Variants in NLGN1 observed in about 807,000 individuals in gnomAD.
The protein encoded by NLGN1 is neuroligin-1.
A neutral mutation model predicts 65.5 loss-of-function variants in NLGN1; 12 were observed. The observed-to-expected ratio is 0.18, with a 90% CI of 0.12 to 0.30. The LOEUF (loss-of-function observed/expected upper bound fraction) is 0.30, where lower values mean the gene tolerates loss of function less well. Among genes scored for constraint, NLGN1 ranks in the 10% least tolerant of loss-of-function variants. NLGN1 has a pLI of 1.00. For synonymous variants in NLGN1, 350 were observed against 359.5 expected (o/e 0.97, Z 0.30); for missense variants, 750 against 1,007.1 (o/e 0.74, Z 3.46).
intron 4 of NLGN1, among the ~76,000 whole-genome samples, chr3:174,140,164 C>A (rs1722026978): frequency 6.6e-6 from 1 of 151,930 alleles, no homozygotes; most frequent in South Asian, 2.1e-4. Context: ...ATTAGACAAG[C>A]AAAATTTTAT....
intron 4 of NLGN1, among the ~76,000 whole-genome samples, chr3:173,832,353 TTATCACTG>T (rs1722765210): frequency 6.6e-6 from 1 of 152,234 alleles, no homozygotes; most frequent in African/African-American, 2.4e-5. Flanking sequence ...TACTATTCTA[TTATCACTG>T]GAAAACTTTC....
chr3:173,852,104 C>T (rs1340913888), intron 4 of NLGN1, among the ~76,000 whole-genome samples: 1 of 151,582 alleles, frequency 6.6e-6, no homozygotes, highest in Non-Finnish European at 1.5e-5. Context: ...CGCCTGTAAT[C>T]CCAGCACTTT....
At chr3:173,468,572 A>G (rs891461223) in intron 2 of NLGN1, among the ~76,000 whole-genome samples, 1 of 152,090 alleles carries the variant, frequency 6.6e-6, no homozygotes. Flanking sequence ...TATTACCTAA[A>G]AAAGAAAAAA....
intron 4 of NLGN1, among the ~76,000 whole-genome samples, chr3:174,083,630 A>G (rs1445261480): frequency 1.3e-5 from 2 of 152,204 alleles, no homozygotes; most frequent in African/African-American, 4.8e-5. Flanking sequence ...GTATTGGAAT[A>G]CTTTTAAAAA....
chr3:173,469,900 C>A (rs1725038821), intron 2 of NLGN1, among the ~76,000 whole-genome samples: 1 of 151,682 alleles, frequency 6.6e-6, no homozygotes, highest in Non-Finnish European at 1.5e-5. Flanking sequence ...TCCAGTTCAT[C>A]TGTTGTAAAC....
At chr3:173,453,560 A>G (rs554342176) in intron 2 of NLGN1, among the ~76,000 whole-genome samples, 5 of 152,052 alleles carry the variant, frequency 3.3e-5, no homozygotes, top group Non-Finnish European at 7.4e-5. Flanking sequence ...TGTATATTCT[A>G]TATCATTTGT....
rs555521893 is a variant in NLGN1 at position 174,068,184 on chromosome 3, G to A, written c.647-207131G>A. ...AGAGCTCCAAGATCAGCATACAGCT[G>A]GCAGCCCGCTCTGCCTAGGTACTCT... is the stretch of plus-strand genomic sequence containing the variant. On this transcript the variant is annotated intron_variant, in intron 4 of 6. Transcript: ENST00000457714. Among the ~76,000 whole-genome samples the A allele has an allele frequency of 9.2e-5, 14 of 152,016 alleles. No individual in the cohort carries two copies. The East Asian group carries it at 2.0e-3, about 21-fold the overall frequency.
In NLGN1 at chr3:173,906,878, CAAAAAAA is replaced by C. The variant is rs1224471514; in HGVS notation, c.646+99059_646+99065del. Among the ~76,000 whole-genome samples, 746 of 88,274 alleles carry C rather than the reference CAAAAAAA, an allele frequency of 8.5e-3. 4 individuals carry two copies. Among genetic ancestry groups the C allele is most frequent in the Admixed American group, 0.013 (100 of 7,782 alleles). 57.9% of individuals were successfully genotyped at this position (88,274 alleles called of 152,430 possible). A position where few individuals can be genotyped will look rare whatever the true frequency, so the allele number is the denominator to read the frequency against. On this transcript the variant is annotated intron_variant, in intron 4 of 6. Transcript: ENST00000457714. ...TCATCTTTAAACAAACAAACAAAAA[CAAAAAAA>C]AAAAAAAAAAAAGAAAGGGAAGTCC...
intron 2 of NLGN1, among the ~76,000 whole-genome samples, chr3:173,487,738 T>C (rs1728401818): frequency 6.6e-6 from 1 of 152,072 alleles, no homozygotes; most frequent in Non-Finnish European, 1.5e-5. Context: ...ATAAAGTGTA[T>C]TTTATGTGAA....
intron 4 of NLGN1, among the ~76,000 whole-genome samples, chr3:174,005,813 A>G (rs1724248977): frequency 6.6e-6 from 1 of 152,114 alleles, no homozygotes; most frequent in Admixed American, 6.6e-5. Context: ...GCTATGTAAC[A>G]GTAGATAAAA....
At chr3:173,773,316 T>G (rs1180665780) in intron 3 of NLGN1, among the ~76,000 whole-genome samples, 1 of 152,068 alleles carries the variant, frequency 6.6e-6, no homozygotes, top group East Asian at 1.9e-4. Flanking sequence ...TACAAAGAAA[T>G]CCTCCCCAAA....
At chr3:173,857,260 A>G (rs1249493637) in intron 4 of NLGN1, among the ~76,000 whole-genome samples, 2 of 151,988 alleles carry the variant, frequency 1.3e-5, no homozygotes. Flanking sequence ...TAGAATTTGA[A>G]TCCACTGATA....
At chr3:173,798,715 T>G (rs1714724185) in intron 3 of NLGN1, among the ~76,000 whole-genome samples, 1 of 152,084 alleles carries the variant, frequency 6.6e-6, no homozygotes, top group South Asian at 2.1e-4. Flanking sequence ...TGTTTATAGT[T>G]TCCCTGTCTG....
intron 2 of NLGN1, among the ~76,000 whole-genome samples, chr3:173,594,706 G>A (rs140014182): frequency 5.1e-4 from 77 of 152,340 alleles, no homozygotes; most frequent in African/African-American, 1.7e-3. Context: ...GGTTCTCCAT[G>A]AGTGCCCCGC....
chr3:174,029,816 G>A (rs940973390), intron 4 of NLGN1, among the ~76,000 whole-genome samples: 1 of 152,162 alleles, frequency 6.6e-6, no homozygotes, highest in African/African-American at 2.4e-5. Flanking sequence ...TTTTATAAAT[G>A]GGAGTTCCCC....
chr3:173,552,132 GT>G (rs1321443144), intron 2 of NLGN1, among the ~76,000 whole-genome samples: 1 of 152,142 alleles, frequency 6.6e-6, no homozygotes, highest in Non-Finnish European at 1.5e-5. Context: ...AATTTCTGCA[GT>G]ATGTGAGCCT....
intron 4 of NLGN1, among the ~76,000 whole-genome samples, chr3:174,084,919 A>G (rs1431564450): frequency 1.3e-5 from 2 of 152,046 alleles, no homozygotes. Flanking sequence ...AGACTGAACC[A>G]TAATTCTTCT....
chr3:174,005,444 A>G (rs1375475388), intron 4 of NLGN1, among the ~76,000 whole-genome samples: 1 of 152,190 alleles, frequency 6.6e-6, no homozygotes, highest in African/African-American at 2.4e-5. Flanking sequence ...CATTAAATGA[A>G]TGTACCAATG....
At chr3:173,772,528 G>T (rs1241056529) in intron 3 of NLGN1, among the ~76,000 whole-genome samples, 1 of 152,092 alleles carries the variant, frequency 6.6e-6, no homozygotes, top group Non-Finnish European at 1.5e-5. Flanking sequence ...TGAGGCAGGA[G>T]AATTACTTGA....
Sources: gnomAD v4.1 joint callset for allele counts (sites outside exome capture counted in the v4.1 genomes callset) on GRCh38, gnomAD v4.1.1 for gene constraint, MANE v1.5 for transcripts, NCBI Gene and HGNC (gene_info 2026-07-23, HGNC 2026-07-21) for gene names.